GON4L: variants seen among roughly 807,000 people sequenced by gnomAD.
The protein encoded by GON4L is GON-4-like protein.
A neutral mutation model predicts 211.8 loss-of-function variants in GON4L; 87 were observed. That is an observed-to-expected ratio of 0.41 (90% CI 0.35 to 0.49). The LOEUF is 0.49. Among genes scored for constraint, GON4L ranks in the 20% least tolerant of loss-of-function variants. GON4L has a pLI of 0.15. For synonymous variants in GON4L, 875 were observed against 962.6 expected (o/e 0.91, Z 1.68); for missense variants, 2,155 against 2,659.5 (o/e 0.81, Z 4.17).
At chr1:155,806,481 G>A (rs1451732604) in intron 10 of GON4L, among the ~76,000 whole-genome samples, 1 of 151,886 alleles carries the variant, frequency 6.6e-6, no homozygotes, top group African/African-American at 2.4e-5. Flanking sequence ...ATGGGGGTGG[G>A]GGGACTCCCT....
At chr1:155,810,387 T>C (rs1339581108) in intron 10 of GON4L, among the ~76,000 whole-genome samples, 3 of 152,080 alleles carry the variant, frequency 2.0e-5, no homozygotes, top group Non-Finnish European at 4.4e-5. Context: ...CCTGCAAGAA[T>C]GATAGGGGAA....
chr1:155,749,052 G>A (rs1315948283), downstream of GON4L, among the ~76,000 whole-genome samples: 6 of 152,070 alleles, frequency 3.9e-5, no homozygotes, highest in African/African-American at 9.7e-5. Flanking sequence ...CCAGGAATTC[G>A]AGACCAGCCT....
In GON4L at chr1:155,765,491, C is replaced by T; in HGVS notation, c.3982G>A (p.Glu1328Lys). ...ATTTCCTCTCTAGCTTCTTCAGGTTCCATCTTGACAATTTCCTCTAAATCC... is the reference window on the plus strand; with the variant it reads ...ATTTCCTCTCTAGCTTCTTCAGGTTTCATCTTGACAATTTCCTCTAAATCC... ...PGDLEEIVKM[E>K]PEEAREEISG... The change falls in exon 21 of 32, where the codon GAA (glutamate) becomes AAA (lysine). Residue 1328 changes from glutamate to lysine, a missense_variant. Transcript: ENST00000368331. The T allele has an allele frequency of 6.2e-7, 1 of 1,614,148 alleles. No homozygotes were observed. Among genetic ancestry groups the T allele is most frequent in the Admixed American group, 1.7e-5 (1 of 60,016 alleles).
chr1:155,761,177 T>G lies in GON4L; in HGVS notation c.4912-536A>C, dbSNP rs929134727. On this transcript the variant is annotated intron_variant, in intron 23 of 31. Coordinates refer to ENST00000368331, the MANE Select transcript of GON4L (RefSeq NM_001282860.2). ...AAGAAGTGGTTAGCTTATGTGTGGT[T>G]TTTTTTTTTTTTTTTTTTTTTGAGA... Among the ~76,000 whole-genome samples, 52 of 140,324 alleles carry G rather than the reference T, an allele frequency of 3.7e-4. No individual in the cohort carries two copies. The East Asian group carries it at 6.2e-3, about 17-fold the overall frequency. The allele number at this position is 140,324 out of a possible 152,430, so 92.1% of individuals were successfully genotyped here. A position where few individuals can be genotyped will look rare whatever the true frequency, so the allele number is the denominator to read the frequency against.
chr1:155,778,363 T>C (rs1426207814), intron 14 of GON4L, among the ~76,000 whole-genome samples: 1 of 152,196 alleles, frequency 6.6e-6, no homozygotes, highest in Non-Finnish European at 1.5e-5. Flanking sequence ...GCAATTCTCC[T>C]GCCTCACCCT....
intron 15 of GON4L, 62 bp downstream of exon 15, chr1:155,777,560 C>CA: frequency 7.9e-7 from 1 of 1,264,082 alleles, no homozygotes; most frequent in Non-Finnish European, 1.2e-6. Flanking sequence ...GGCTGGGAGA[C>CA]AGAGCCAGAC....
chr1:155,810,752 C>T (rs185879766), intron 10 of GON4L, among the ~76,000 whole-genome samples: 2 of 151,650 alleles, frequency 1.3e-5, no homozygotes, highest in Admixed American at 1.3e-4. Context: ...GGCGCAGTGG[C>T]TCATGCCTAT....
chr1:155,753,176 A>G (rs762258300), intron 29 of GON4L, 28 bp downstream of exon 29: 1 of 1,533,900 alleles, frequency 6.5e-7, no homozygotes, highest in Non-Finnish European at 9.0e-7. Flanking sequence ...ACTGAGGAAC[A>G]GAAGGGCTGC....
Position 155,853,476 on chromosome 1 carries a change from C to G in GON4L, c.305G>C (p.Gly102Ala). ...LEGVDVAISQ[G>A]ITLPSLESFH... ...AGACTCCAAGGAAGGTAGGGTGATTCCCTGAGAGATGGCCACATCAACACC... is the reference window on the plus strand; with the variant it reads ...AGACTCCAAGGAAGGTAGGGTGATTGCCTGAGAGATGGCCACATCAACACC... The change falls in exon 2 of 32, where the codon GGA (glycine) becomes GCA (alanine). Residue 102 changes from glycine (G) to alanine (A), a missense_variant. This residue lies in a region of GON4L where 313 missense variants were observed against 293.2 expected (regional missense o/e 1.07). Transcript: ENST00000368331. 1 of 1,614,004 alleles carries G rather than the reference C, an allele frequency of 6.2e-7. No homozygotes were observed. The highest frequency in any genetic ancestry group is 8.5e-7 in the Non-Finnish European group (1 of 1,179,912).
At position 155,797,768 on chromosome 1, in the gene GON4L, A is replaced by C. The variant is rs534799449; in HGVS notation, c.1646-2617T>G. Among the ~76,000 whole-genome samples, 24 of 151,118 alleles carry C rather than the reference A, an allele frequency of 1.6e-4. 1 individual carries two copies. The highest frequency in any genetic ancestry group is 5.3e-4 in the African/African-American group (22 of 41,218). ...CTTGGGAGGCTGAGGCAGGAGAATC[A>C]CTTGAACCCAGGAGACAGAGGTTGC... On this transcript the variant is annotated intron_variant, in intron 11 of 31. Transcript: ENST00000368331.
downstream of GON4L, chr1:155,749,438 G>A: frequency 1.3e-6 from 2 of 1,580,540 alleles, no homozygotes; most frequent in Non-Finnish European, 1.7e-6. Context: ...TGAGGTCAGT[G>A]TAACGGTTGC....
At chr1:155,816,131 A>G in intron 7 of GON4L, 81 bp downstream of exon 7, 1 of 750,474 alleles carries the variant, frequency 1.3e-6, no homozygotes, top group Non-Finnish European at 2.4e-6. Flanking sequence ...TGATCAAGAA[A>G]AGTTAAAGAG....
chr1:155,768,329 A>C (rs1662778705), intron 19 of GON4L, among the ~76,000 whole-genome samples: 1 of 148,414 alleles, frequency 6.7e-6, no homozygotes, highest in Non-Finnish European at 1.5e-5. Context: ...AAAAAAGAAT[A>C]GGCCAGGCGC....
At chr1:155,802,251 T>C (rs1666736799) in intron 11 of GON4L, among the ~76,000 whole-genome samples, 1 of 141,216 alleles carries the variant, frequency 7.1e-6, no homozygotes, top group Non-Finnish European at 1.5e-5. Context: ...CTCTAAGAGA[T>C]ACATAAACCC....
chr1:155,763,719 T>A (rs1168488156), intron 21 of GON4L, among the ~76,000 whole-genome samples, 155 bp from the exon 22 acceptor site: 3 of 152,100 alleles, frequency 2.0e-5, no homozygotes, highest in Non-Finnish European at 2.9e-5. Flanking sequence ...ATCCCAGCAA[T>A]GGGCCAGGTA....
chr1:155,770,262 C>T (rs992529528), intron 19 of GON4L, among the ~76,000 whole-genome samples: 2 of 152,066 alleles, frequency 1.3e-5, no homozygotes, highest in South Asian at 2.1e-4. Context: ...TAGTGGCTCA[C>T]GCCTGTAATC....
At chr1:155,779,971 T>C (rs1279391577) in intron 14 of GON4L, among the ~76,000 whole-genome samples, 1 of 151,944 alleles carries the variant, frequency 6.6e-6, no homozygotes, top group African/African-American at 2.4e-5. Context: ...CTAATTTTTG[T>C]ATTTTTTTGT....
intron 21 of GON4L, among the ~76,000 whole-genome samples, chr1:155,764,022 AC>A (rs138638258): frequency 0.83 from 117,228 of 141,420 alleles, 49,738 homozygotes; most frequent in East Asian, 0.99. Flanking sequence ...ACAAAAACAA[AC>A]AAAAAAAAAA....
chr1:155,770,618 G>A (rs1255431855), intron 19 of GON4L, among the ~76,000 whole-genome samples: 1 of 152,216 alleles, frequency 6.6e-6, no homozygotes, highest in Non-Finnish European at 1.5e-5. Context: ...GGAGGCCAAG[G>A]CGGGTGGATC....
Sources: gnomAD v4.1 joint callset for allele counts (sites outside exome capture counted in the v4.1 genomes callset) on GRCh38, gnomAD v4.1.1 for gene constraint, gnomAD v4.1.1 regional missense constraint, MANE v1.5 for transcripts, NCBI Gene and HGNC (gene_info 2026-07-23, HGNC 2026-07-21) for gene names.